The following PCDH15 variants were observed in gnomAD, a reference collection of about 807,000 sequenced individuals.
PCDH15 encodes the protein protocadherin related 15.
Under a neutral mutation model 178.5 loss-of-function variants are expected in PCDH15, and 129 were observed. The observed-to-expected ratio is 0.72, with a 90% CI of 0.63 to 0.84. The LOEUF is 0.84. PCDH15 is among the 40% of genes least tolerant of loss of function. The pLI is 0.00. For missense variants in PCDH15, 2,230 were observed against 2,099.9 expected (o/e 1.06, Z -1.21); for synonymous variants, 800 against 732.0 (o/e 1.09, Z -1.50).
intron 1 of PCDH15, among the ~76,000 whole-genome samples, chr10:54,695,709 C>T (rs879434796): frequency 5.9e-5 from 9 of 151,964 alleles, no homozygotes; most frequent in Admixed American, 2.0e-4. Flanking sequence ...ACTTACTGAC[C>T]ATTCTGAAAA....
chr10:54,105,459 A>T (rs945643858), intron 15 of PCDH15, among the ~76,000 whole-genome samples: 7 of 151,964 alleles, frequency 4.6e-5, no homozygotes, highest in Admixed American at 4.6e-4. Flanking sequence ...GGAGCAAGGA[A>T]TTCAGTCTGA....
intron 7 of PCDH15, among the ~76,000 whole-genome samples, chr10:54,319,099 C>A (rs1362565239): frequency 6.6e-6 from 1 of 152,154 alleles, no homozygotes; most frequent in Non-Finnish European, 1.5e-5. Context: ...GTGGTGGTAG[C>A]ATCATTCATT....
intron 2 of PCDH15, among the ~76,000 whole-genome samples, chr10:54,958,845 C>T (rs1411704439): frequency 6.6e-6 from 1 of 151,740 alleles, no homozygotes; most frequent in Non-Finnish European, 1.5e-5. Flanking sequence ...AAAGAAAAGA[C>T]ATCCCCAACA....
At chr10:55,278,000 A>G (rs978760682) in intron 1 of PCDH15, among the ~76,000 whole-genome samples, 1 of 152,212 alleles carries the variant, frequency 6.6e-6, no homozygotes, top group Non-Finnish European at 1.5e-5. Flanking sequence ...TGTTCAGAAT[A>G]TAATTTTTGA....
At chr10:54,042,444 T>C (rs1044830249) in intron 18 of PCDH15, among the ~76,000 whole-genome samples, 1 of 151,718 alleles carries the variant, frequency 6.6e-6, no homozygotes, top group Middle Eastern at 3.4e-3. Context: ...ACAGGGAGAG[T>C]GCTATTGAAA....
chr10:54,342,538 C>T (rs1273093421), intron 6 of PCDH15, among the ~76,000 whole-genome samples: 1 of 152,152 alleles, frequency 6.6e-6, no homozygotes, highest in Non-Finnish European at 1.5e-5. Context: ...TCATGGAAAA[C>T]ATCTACTAGC....
intron 3 of PCDH15, among the ~76,000 whole-genome samples, chr10:54,864,251 A>G (rs570529805): frequency 1.3e-5 from 2 of 152,322 alleles, no homozygotes; most frequent in Admixed American, 1.3e-4. Flanking sequence ...GAGCAGATAT[A>G]GGTGACAGCA....
intron 29 of PCDH15, among the ~76,000 whole-genome samples, chr10:53,834,776 A>T (rs1252335753): frequency 1.3e-5 from 2 of 152,188 alleles, no homozygotes; most frequent in African/African-American, 4.8e-5. Flanking sequence ...TTCAGCATAT[A>T]ATTAATAAAT....
chr10:53,857,038 TA>T, intron 28 of PCDH15, 136 bp downstream of exon 28: 1 of 696,452 alleles, frequency 1.4e-6, no homozygotes, highest in Non-Finnish European at 2.4e-6. Context: ...ACTCGAAGCC[TA>T]AACCTCACCA....
intron 1 of PCDH15, among the ~76,000 whole-genome samples, chr10:55,271,916 G>A (rs1415061712): frequency 6.6e-6 from 1 of 152,032 alleles, no homozygotes; most frequent in Admixed American, 6.6e-5. Context: ...TGTTTTCTAA[G>A]AGAAAACATG....
In PCDH15 at chr10:54,089,789, A is replaced by G. The variant is rs189680606; in HGVS notation, c.1997+195T>C. 6.8e-3 allele frequency among the ~76,000 whole-genome samples: 1,040 copies of G among 152,298 alleles called. 43 individuals are homozygous for G. The highest frequency in any genetic ancestry group is 0.062 in the Admixed American group (946 of 15,288). On this transcript the variant is annotated intron_variant, in intron 16 of 37. Coordinates refer to ENST00000644397, the MANE Select transcript of PCDH15 (RefSeq NM_001384140.1). The stretch of plus-strand genomic sequence containing the variant: ...CCTCAGTAGATTTTACCTAGTAAAA[A>G]TGTTAAAAATAAACAGTCTCCTGGG...
chr10:54,826,790 G>T (rs138529631), intron 3 of PCDH15, among the ~76,000 whole-genome samples: 70 of 152,094 alleles, frequency 4.6e-4, no homozygotes, highest in African/African-American at 1.6e-3. Context: ...AATTACCAAA[G>T]ATGGGCTAAT....
chr10:55,412,917 ACACG>A (rs1479272513), intron 2 of PCDH15, among the ~76,000 whole-genome samples: 2 of 142,424 alleles, frequency 1.4e-5, no homozygotes, highest in Non-Finnish European at 3.1e-5. Flanking sequence ...ACACACACAC[ACACG>A]GCAAATTGAA....
chr10:54,501,088 G>T (rs376627823), intron 3 of PCDH15, among the ~76,000 whole-genome samples: 8 of 152,006 alleles, frequency 5.3e-5, no homozygotes, highest in African/African-American at 1.9e-4. Context: ...GGGCCTGTCA[G>T]GGGGTGGGAG....
intron 2 of PCDH15, among the ~76,000 whole-genome samples, chr10:54,961,777 C>G (rs986587347): frequency 2.0e-5 from 3 of 152,140 alleles, no homozygotes; most frequent in Non-Finnish European, 4.4e-5. Flanking sequence ...TCGGTCTCCT[C>G]TACTCTCACT....
Position 54,023,202 on chromosome 10 carries a change from T to G in PCDH15, c.2221-5A>C, listed in dbSNP as rs753747012. On this transcript the variant is annotated splice_polypyrimidine_tract_variant and splice_region_variant and intron_variant, in intron 18 of 37. Transcript: ENST00000644397. ...TCCAGCATCAGGGTCTGTTGCCTAT[T>G]AAATAAAACAAAAAAACAAAAAAAT... The G allele has an allele frequency of 1.2e-6, 2 of 1,612,214 alleles. No homozygotes were observed. The highest frequency in any genetic ancestry group is 2.2e-5 in the South Asian group (2 of 91,030).
chr10:55,397,418 A>G (rs1837956115), intron 2 of PCDH15, among the ~76,000 whole-genome samples: 1 of 152,154 alleles, frequency 6.6e-6, no homozygotes, highest in South Asian at 2.1e-4. Flanking sequence ...TCTGTAAAAC[A>G]TTTAGGTGTA....
At chr10:54,258,964 G>T (rs1310434845) in intron 8 of PCDH15, among the ~76,000 whole-genome samples, 2 of 152,018 alleles carry the variant, frequency 1.3e-5, no homozygotes, top group Non-Finnish European at 2.9e-5. Context: ...GAGCAAATAA[G>T]TTTTTTTCCA....
At chr10:53,941,890 T>A (rs1233888827) in intron 23 of PCDH15, among the ~76,000 whole-genome samples, 1 of 152,216 alleles carries the variant, frequency 6.6e-6, no homozygotes, top group Non-Finnish European at 1.5e-5. Context: ...TTTATTTTTT[T>A]ATCCATATTT....
Sources: gnomAD v4.1 joint callset for allele counts (sites outside exome capture counted in the v4.1 genomes callset) on GRCh38, gnomAD v4.1.1 for gene constraint, MANE v1.5 for transcripts, NCBI Gene and HGNC (gene_info 2026-07-23, HGNC 2026-07-21) for gene names.